The following METTL2A variants were observed in gnomAD, a reference collection of about 807,000 sequenced individuals.
METTL2A encodes the protein methyltransferase 2A, tRNA N3-cytidine.
In METTL2A, 45 loss-of-function variants were observed where a neutral mutation model predicts 49.4. That is an observed-to-expected ratio of 0.91 (90% CI 0.72 to 1.17). METTL2A has a LOEUF of 1.17. METTL2A is among the 50% of genes most tolerant of loss of function. METTL2A has a pLI of 0.00. For missense variants in METTL2A, 361 were observed against 462.2 expected, an observed-to-expected ratio of 0.78 and a Z score of 2.01; for synonymous variants, 118 against 167.5, an observed-to-expected ratio of 0.70 and a Z score of 2.28.
At chr17:62,429,106 A>G (rs1156292153) in intron 4 of METTL2A, among the ~76,000 whole-genome samples, 2 of 152,046 alleles carry the variant, frequency 1.3e-5, no homozygotes, top group Non-Finnish European at 2.9e-5. Context: ...TTATACAGCT[A>G]GGACACAGAC....
chr17:62,430,217 GTTC>G (rs1434879061), intron 4 of METTL2A, among the ~76,000 whole-genome samples: 2 of 152,160 alleles, frequency 1.3e-5, no homozygotes, highest in Admixed American at 6.5e-5. Context: ...AAAAGAGATT[GTTC>G]TGCTCTTGAA....
chr17:62,437,677 A>G (rs2070709647), intron 5 of METTL2A, among the ~76,000 whole-genome samples: 1 of 152,128 alleles, frequency 6.6e-6, no homozygotes, highest in Admixed American at 6.6e-5. Flanking sequence ...AGATGCCTTA[A>G]AATGTATCTG....
At chr17:62,436,018 G>A (rs1466629805) in intron 5 of METTL2A, among the ~76,000 whole-genome samples, 5 of 151,868 alleles carry the variant, frequency 3.3e-5, no homozygotes, top group Admixed American at 6.6e-5. Context: ...GGCAGATCAC[G>A]AGGTCAGGAG....
intron 2 of METTL2A, among the ~76,000 whole-genome samples, chr17:62,424,562 G>T (rs1234853066): frequency 2.6e-5 from 4 of 152,168 alleles, no homozygotes; most frequent in Admixed American, 2.6e-4. Flanking sequence ...CTTTAATTAT[G>T]TTTAGTAGAT....
chr17:62,428,777 T>C (rs919701292), intron 4 of METTL2A, among the ~76,000 whole-genome samples: 2 of 152,096 alleles, frequency 1.3e-5, no homozygotes, highest in African/African-American at 4.8e-5. Flanking sequence ...ACCTGGAAGC[T>C]CATCAAGGGG....
Position 62,447,771 on chromosome 17 carries a change from G to A in METTL2A, c.982+5G>A, listed in dbSNP as rs1429630805. The stretch of plus-strand genomic sequence containing the variant: ...GAGTTTACTTCTTCACACAAGGTAT[G>A]AAACACCCATCTTTTTACACTAAAA... On this transcript the variant is annotated splice_donor_5th_base_variant and intron_variant, in intron 8 of 8. Transcript: ENST00000311506. The A allele has an allele frequency of 2.5e-6, 4 of 1,614,168 alleles. No homozygotes were observed.
At chr17:62,440,810 G>C in intron 6 of METTL2A, 54 bp downstream of exon 6, 4 of 1,583,170 alleles carry the variant, frequency 2.5e-6, no homozygotes, top group Non-Finnish European at 3.4e-6. Context: ...TTTGGTGAGG[G>C]ACCTTTTTTT....
chr17:62,428,037 A>G (rs1336535922), intron 4 of METTL2A, among the ~76,000 whole-genome samples, 200 bp downstream of exon 4: 2 of 152,262 alleles, frequency 1.3e-5, no homozygotes, highest in Admixed American at 1.3e-4. Flanking sequence ...TCAAACTATC[A>G]GTAATGGTTA....
chr17:62,433,012 C>T (rs890255125), intron 4 of METTL2A, among the ~76,000 whole-genome samples: 6 of 152,122 alleles, frequency 3.9e-5, no homozygotes, highest in African/African-American at 1.4e-4. Context: ...TTATATTAGG[C>T]ATTATAGATG....
Position 62,437,095 on chromosome 17 carries a change from A to G in METTL2A, c.669+1803A>G, listed in dbSNP as rs560992951. 3.0e-4 allele frequency among the ~76,000 whole-genome samples: 46 copies of G among 152,136 alleles called. 1 individual carries two copies. The South Asian group carries it at 8.3e-3, about 27-fold the overall frequency. On this transcript the variant is annotated intron_variant, in intron 5 of 8. Coordinates refer to ENST00000311506, the MANE Select transcript of METTL2A (RefSeq NM_181725.4). The stretch of plus-strand genomic sequence containing the variant: ...GAATAAGACTAAAAAACAAGCAGCA[A>G]CAAGATTGCAGCAATTCAGTCACAT...
At chr17:62,428,942 C>T (rs1467278168) in intron 4 of METTL2A, among the ~76,000 whole-genome samples, 1 of 152,154 alleles carries the variant, frequency 6.6e-6, no homozygotes, top group African/African-American at 2.4e-5. Flanking sequence ...TGCCACCATA[C>T]CCAGCTAATT....
rs1293669521 is a variant in METTL2A at position 62,453,098 on chromosome 17, T to A, written c.*4369T>A. On this transcript the variant is annotated 3_prime_UTR_variant, in exon 9 of 9. Transcript: ENST00000311506. ...ACTGTCCTTCAGCATCCCTAAAGCA[T>A]TTCAACACTATAGGCACAGTTTTTA... Among the ~76,000 whole-genome samples the A allele has an allele frequency of 6.6e-6, 1 of 152,226 alleles. No homozygotes were observed. Among genetic ancestry groups the A allele is most frequent in the Non-Finnish European group, 1.5e-5 (1 of 68,042 alleles).
At chr17:62,427,529 A>G (rs1054683785) in intron 3 of METTL2A, among the ~76,000 whole-genome samples, 9 of 152,210 alleles carry the variant, frequency 5.9e-5, no homozygotes, top group African/African-American at 2.2e-4. Context: ...GCTAGAACTC[A>G]AAAGATAAAA....
intron 7 of METTL2A, among the ~76,000 whole-genome samples, chr17:62,447,414 C>T (rs981979199): frequency 3.0e-4 from 46 of 152,138 alleles, no homozygotes; most frequent in African/African-American, 1.0e-3. Flanking sequence ...AGCGAAACTC[C>T]GTCTCAAAAT....
chr17:62,425,338 C>A (rs2070616258), intron 2 of METTL2A, among the ~76,000 whole-genome samples: 1 of 146,486 alleles, frequency 6.8e-6, no homozygotes, highest in South Asian at 2.1e-4. Context: ...AAACTGAAAT[C>A]TGGGACTGTC....
rs1380850154 is a variant in METTL2A at position 62,426,552 on chromosome 17, A to T, written c.456A>T (p.Thr152=). 3.7e-6 allele frequency: 5 copies of T among 1,337,294 alleles called. No individual in the cohort carries two copies. Among genetic ancestry groups the T allele is most frequent in the Non-Finnish European group, 5.3e-6 (5 of 949,094 alleles). 82.8% of individuals were successfully genotyped at this position (1,337,294 alleles called of 1,614,324 possible). Residue 152 remains threonine (T), a synonymous_variant, in exon 3 of 9, where the codon ACA becomes ACT. Transcript: ENST00000311506. ...CTTCAAAGAGCCTTGAACATAAAAC[A>T]CAGACACTTCCTGTGGAGGAGAATG... is the stretch of plus-strand genomic sequence containing the variant. ...KCSSKSLEHK[T]QTLPVEENVT... is the part of the protein sequence containing the mutation.
intron 7 of METTL2A, among the ~76,000 whole-genome samples, chr17:62,445,230 A>C: frequency 6.6e-6 from 1 of 151,872 alleles, no homozygotes; most frequent in South Asian, 2.1e-4. Context: ...CCTCCATGGC[A>C]CATGTATACA....
At chr17:62,440,296 A>C (rs1387767608) in intron 5 of METTL2A, among the ~76,000 whole-genome samples, 7 of 152,136 alleles carry the variant, frequency 4.6e-5, no homozygotes, top group Non-Finnish European at 8.8e-5. Context: ...AAGTGCTGGG[A>C]TTACAGGCAT....
At chr17:62,447,158 C>A (rs1037417654) in intron 7 of METTL2A, among the ~76,000 whole-genome samples, 10 of 152,254 alleles carry the variant, frequency 6.6e-5, no homozygotes, top group Admixed American at 5.9e-4. Context: ...GTGGCTCATG[C>A]CTTTAATCCC....
Sources: gnomAD v4.1 joint callset for allele counts (sites outside exome capture counted in the v4.1 genomes callset) on GRCh38, gnomAD v4.1.1 for gene constraint, MANE v1.5 for transcripts, NCBI Gene and HGNC (gene_info 2026-07-23, HGNC 2026-07-21) for gene names.